The following ABR variants were observed in gnomAD, a reference collection of about 807,000 sequenced individuals.
The protein encoded by ABR is active breakpoint cluster region-related protein.
A neutral mutation model predicts 107.2 loss-of-function variants in ABR; 35 were observed. That is an observed-to-expected ratio of 0.33 (90% confidence interval 0.25 to 0.43). ABR has a LOEUF of 0.43. ABR is among the 20% of genes least tolerant of loss of function. The pLI is 1.00. For missense variants in ABR, 815 were observed against 1,115.2 expected, an observed-to-expected ratio of 0.73 and a Z score of 3.83; for synonymous variants, 498 against 462.0, an observed-to-expected ratio of 1.08 and a Z score of -1.00.
At chr17:1,172,346 C>T (rs2041747018) in intron 1 of ABR, among the ~76,000 whole-genome samples, 1 of 152,226 alleles carries the variant, frequency 6.6e-6, no homozygotes, top group Non-Finnish European at 1.5e-5. Flanking sequence ...CTTCCCCCTT[C>T]ACAAGGTCTC....
At chr17:1,180,481 G>T (rs992173110), upstream of ABR, among the ~76,000 whole-genome samples, 1 of 152,114 alleles carries the variant, frequency 6.6e-6, no homozygotes, top group African/African-American at 2.4e-5. Flanking sequence ...CTCTGAGCGC[G>T]GCCGTTCCCG....
chr17:1,167,794 G>T (rs893097502), intron 1 of ABR, among the ~76,000 whole-genome samples: 3 of 152,254 alleles, frequency 2.0e-5, no homozygotes, highest in African/African-American at 7.2e-5. Context: ...CCTCTAAGGA[G>T]TTGAGAGTCT....
At chr17:1,038,528 G>A (rs1466046859) in intron 16 of ABR, among the ~76,000 whole-genome samples, 1 of 152,216 alleles carries the variant, frequency 6.6e-6, no homozygotes, top group Non-Finnish European at 1.5e-5. Context: ...GGTCTTTCCT[G>A]AAGCCAGGGC....
intron 1 of ABR, among the ~76,000 whole-genome samples, chr17:1,226,518 CATGT>C (rs745308231): frequency 5.4e-5 from 8 of 148,400 alleles, no homozygotes; most frequent in Non-Finnish European, 8.9e-5. Context: ...TGTGTGCATG[CATGT>C]ATGTGACAGT....
chr17:1,166,432 C>A (rs377744199), intron 1 of ABR, among the ~76,000 whole-genome samples: 5 of 152,256 alleles, frequency 3.3e-5, no homozygotes, highest in East Asian at 3.9e-4. Context: ...AAAGGCACCA[C>A]ACTATGAATG....
chr17:1,040,943 T>C (rs1019581928), intron 16 of ABR, among the ~76,000 whole-genome samples: 2 of 152,182 alleles, frequency 1.3e-5, no homozygotes, highest in African/African-American at 4.8e-5. Flanking sequence ...AGACAGAGTC[T>C]CGCTCTGTAG....
At chr17:1,094,034 TG>T (rs1197923830) in intron 3 of ABR, among the ~76,000 whole-genome samples, 1 of 138,174 alleles carries the variant, frequency 7.2e-6, no homozygotes, top group Non-Finnish European at 1.5e-5. Flanking sequence ...CTAGAATCAA[TG>T]GCCCCTCGGT....
intron 1 of ABR, among the ~76,000 whole-genome samples, chr17:1,227,078 C>A (rs1428395386): frequency 6.6e-6 from 1 of 152,188 alleles, no homozygotes; most frequent in African/African-American, 2.4e-5. Flanking sequence ...CGTGCCCCAG[C>A]TCACGTCTGT....
In ABR at chr17:1,058,034, G is replaced by T; in HGVS notation, c.1317C>A (p.Phe439Leu). The T allele has an allele frequency of 6.2e-7, 1 of 1,613,088 alleles. No homozygotes were observed. ...IHNRNGKSYL[F>L]LLSSDYERSE... ...ACCTCTCGTAGTCCGAGGACAGTAG[G>T]AACAGGTAACTCTGAAGAGAGGAGA... Residue 439 changes from phenylalanine (F) to leucine (L), a missense_variant, in exon 12 of 23, where the codon TTC becomes TTA. Around this residue, in one of 5 missense-constraint regions of ABR, gnomAD observed 385 missense variants for 596.9 expected, o/e 0.64. Coordinates refer to ENST00000302538, the MANE Select transcript of ABR (RefSeq NM_021962.5).
At chr17:1,108,467 C>A (rs535517677) in intron 2 of ABR, among the ~76,000 whole-genome samples, 2 of 152,260 alleles carry the variant, frequency 1.3e-5, no homozygotes, top group African/African-American at 2.4e-5. Context: ...TTCCCTCCCC[C>A]CTTCAGCTGA....
intron 3 of ABR, among the ~76,000 whole-genome samples, chr17:1,094,620 C>A (rs1310159690): frequency 6.6e-6 from 1 of 152,158 alleles, no homozygotes; most frequent in African/African-American, 2.4e-5. Flanking sequence ...ATCCACGTGC[C>A]TCGGCCTCTT....
chr17:1,062,008 G>C (rs1042485067), intron 10 of ABR, among the ~76,000 whole-genome samples: 2 of 152,214 alleles, frequency 1.3e-5, no homozygotes, highest in Admixed American at 1.3e-4. Context: ...AAAGCCACAG[G>C]ATCTGGGGAC....
At chr17:1,207,377 C>T (rs1445816189) in intron 1 of ABR, among the ~76,000 whole-genome samples, 2 of 152,074 alleles carry the variant, frequency 1.3e-5, no homozygotes. Flanking sequence ...TGGCCGTGTG[C>T]AGTGGCTCAC....
intron 18 of ABR, chr17:1,012,259 G>C: frequency 1.5e-6 from 1 of 660,866 alleles, no homozygotes; most frequent in Non-Finnish European, 2.8e-6. Flanking sequence ...ACGTCCCCCA[G>C]ATTCAGATGC....
chr17:1,083,645 G>C lies in ABR; in HGVS notation c.532-18C>G. 6.3e-7 allele frequency: 1 copy of C among 1,592,028 alleles called. No homozygotes were observed. The highest frequency in any genetic ancestry group is 1.1e-5 in the South Asian group (1 of 90,576). On this transcript the variant is annotated intron_variant, in intron 4 of 22. Coordinates refer to ENST00000302538, the MANE Select transcript of ABR (RefSeq NM_021962.5). The stretch of plus-strand genomic sequence containing the variant: ...TGGCTGGCCTGCAGGGAGGAGTCAG[G>C]GAACAGAGGGAGAGGAGGGTGGGAG...
chr17:1,091,528 C>T, intron 4 of ABR, 137 bp downstream of exon 4: 1 of 993,832 alleles, frequency 1.0e-6, no homozygotes. Context: ...CAGGCCCAGG[C>T]CTTCCTCCCG....
intron 1 of ABR, among the ~76,000 whole-genome samples, chr17:1,146,892 G>A (rs62069438): frequency 1.3e-4 from 19 of 147,128 alleles, no homozygotes; most frequent in East Asian, 6.1e-4. Flanking sequence ...CACCACTGCC[G>A]CCACTGCCAC....
intron 11 of ABR, 83 bp downstream of exon 11, chr17:1,058,662 A>G: frequency 6.5e-7 from 1 of 1,535,226 alleles, no homozygotes; most frequent in African/African-American, 1.4e-5. Context: ...TCCGGTTCGT[A>G]CAGGTCAGGG....
intron 2 of ABR, among the ~76,000 whole-genome samples, chr17:1,113,647 C>T (rs1326780336): frequency 6.6e-6 from 1 of 152,134 alleles, no homozygotes; most frequent in African/African-American, 2.4e-5. Context: ...TCCCGTGACT[C>T]CCCGTTGGCT....
Sources: allele counts gnomAD v4.1 joint callset (sites outside exome capture counted in the v4.1 genomes callset), GRCh38; gene constraint gnomAD v4.1.1; regional missense constraint gnomAD v4.1.1; transcripts MANE v1.5; gene names NCBI Gene and HGNC (gene_info 2026-07-23, HGNC 2026-07-21).